ANOS1: variants seen among roughly 807,000 people sequenced by gnomAD.
ANOS1 encodes anosmin-1.
A neutral mutation model predicts 59.0 loss-of-function variants in ANOS1; 6 were observed. The ratio of observed to expected loss-of-function variants is 0.10; its 90% CI spans 0.06 to 0.20. The LOEUF (loss-of-function observed/expected upper bound fraction) is 0.20. Among genes scored for constraint, ANOS1 ranks in the 10% least tolerant of loss-of-function variants. The probability of loss-of-function intolerance (pLI) is 1.00; values close to 1 mark genes in which losing one functional copy is unlikely to be tolerated. For missense variants in ANOS1, 433 were observed against 542.3 expected, an observed-to-expected ratio of 0.80 and a Z score of 2.00; for synonymous variants, 217 against 223.4, an observed-to-expected ratio of 0.97 and a Z score of 0.25.
chrX:8,615,315 C>A (rs909409994), intron 3 of ANOS1, among the ~76,000 whole-genome samples: 1 of 110,719 alleles, frequency 9.0e-6, no homozygotes, highest in African/African-American at 3.3e-5. Context: ...GAGGCTGAGG[C>A]GGGTGGATCA....
chrX:8,673,888 G>A (rs1932294696), intron 2 of ANOS1, among the ~76,000 whole-genome samples: 1 of 111,211 alleles, frequency 9.0e-6, no homozygotes. Context: ...GACAGTGAAG[G>A]AGGCTGTATT....
At chrX:8,567,936 C>T (rs370492260) in intron 8 of ANOS1, among the ~76,000 whole-genome samples, 2 of 112,353 alleles carry the variant, frequency 1.8e-5, no homozygotes, top group Non-Finnish European at 3.8e-5. Context: ...CATATGTGCA[C>T]GTCATGTAAA....
chrX:8,653,841 C>T (rs1253126394), intron 2 of ANOS1, among the ~76,000 whole-genome samples: 2 of 111,942 alleles, frequency 1.8e-5, no homozygotes, highest in Non-Finnish European at 3.8e-5. Flanking sequence ...AGTAGGTATT[C>T]AATAAATATC....
chrX:8,619,920 G>T (rs1264935633), intron 3 of ANOS1, among the ~76,000 whole-genome samples: 1 of 111,967 alleles, frequency 8.9e-6, no homozygotes, highest in Non-Finnish European at 1.9e-5. Flanking sequence ...ATATAATTAT[G>T]ACTGTTCTTT....
At position 8,692,404 on chromosome X, in the gene ANOS1, C is replaced by G. The variant is rs985730126; in HGVS notation, c.255+7294G>C. On this transcript the variant is annotated intron_variant, in intron 2 of 13. Coordinates refer to ENST00000262648, the MANE Select transcript of ANOS1 (RefSeq NM_000216.4). ...GTTTTTTTAGAAGTCATTTGCTAAC[C>G]CTTATCCTAGAACACTGCATTTAAT... Among the ~76,000 whole-genome samples the G allele has an allele frequency of 7.2e-5, 8 of 110,591 alleles. No homozygotes were observed. The Admixed American group carries it at 7.8e-4, about 11-fold the overall frequency.
chrX:8,651,907 T>C (rs1222545768), intron 2 of ANOS1, among the ~76,000 whole-genome samples: 4 of 111,876 alleles, frequency 3.6e-5, no homozygotes. Context: ...GGCACTGGCC[T>C]GATGTGCATT....
At chrX:8,723,088 C>T (rs955690788) in intron 1 of ANOS1, among the ~76,000 whole-genome samples, 1 of 112,089 alleles carries the variant, frequency 8.9e-6, no homozygotes, top group Admixed American at 9.5e-5. Context: ...AAATCTAAGA[C>T]CTGAAACTAT....
chrX:8,611,494 T>C (rs747169730), intron 3 of ANOS1, among the ~76,000 whole-genome samples: 1 of 110,661 alleles, frequency 9.0e-6, no homozygotes, highest in Non-Finnish European at 1.9e-5. Flanking sequence ...GGAATCTCAA[T>C]TACCCCTAAG....
chrX:8,561,614 C>T (rs1250285328), intron 8 of ANOS1, among the ~76,000 whole-genome samples: 2 of 108,724 alleles, frequency 1.8e-5, no homozygotes, highest in Admixed American at 9.9e-5. Context: ...CGCGCCCAGC[C>T]GGCTAATTTT....
At chrX:8,625,286 T>C (rs1456077237) in intron 2 of ANOS1, among the ~76,000 whole-genome samples, 1 of 111,799 alleles carries the variant, frequency 8.9e-6, no homozygotes, top group Non-Finnish European at 1.9e-5. Flanking sequence ...TAAACATTAA[T>C]AGTCATATAG....
chrX:8,591,728 C>T (rs1239024668), intron 4 of ANOS1, among the ~76,000 whole-genome samples: 1 of 112,306 alleles, frequency 8.9e-6, no homozygotes, highest in Non-Finnish European at 1.9e-5. Flanking sequence ...TAATTGTGTG[C>T]AGATGGGGCT....
chrX:8,600,406 G>A (rs1794229822), intron 3 of ANOS1, among the ~76,000 whole-genome samples: 1 of 112,008 alleles, frequency 8.9e-6, no homozygotes, highest in African/African-American at 3.2e-5. Context: ...ATAATTTCAA[G>A]GTTTGAATTA....
At chrX:8,640,292 C>T (rs768037506) in intron 2 of ANOS1, among the ~76,000 whole-genome samples, 10 of 110,948 alleles carry the variant, frequency 9.0e-5, no homozygotes, top group South Asian at 7.8e-4. Flanking sequence ...TTTGTCTTCA[C>T]GCCATGATCT....
chrX:8,580,994 G>C (rs747865348), intron 6 of ANOS1, among the ~76,000 whole-genome samples: 6 of 111,636 alleles, frequency 5.4e-5, no homozygotes, highest in African/African-American at 1.6e-4. Context: ...AGCAAACAGG[G>C]ATAAATGGGC....
intron 3 of ANOS1, among the ~76,000 whole-genome samples, chrX:8,620,436 T>G (rs1445776773): frequency 3.6e-5 from 4 of 111,343 alleles, no homozygotes; most frequent in Non-Finnish European, 7.5e-5. Flanking sequence ...TAATCTAGAG[T>G]CCCTTCTGGG....
intron 2 of ANOS1, among the ~76,000 whole-genome samples, chrX:8,683,420 C>T (rs186876052): frequency 9.0e-6 from 1 of 110,872 alleles, no homozygotes; most frequent in African/African-American, 3.3e-5. Flanking sequence ...AACACTGGTG[C>T]CCAAAGACCA....
At chrX:8,722,574 T>TAC (rs774803381) in intron 1 of ANOS1, among the ~76,000 whole-genome samples, 2,424 of 102,092 alleles carry the variant, frequency 0.024, 24 homozygotes, top group African/African-American at 0.028. Context: ...ATTATGTGTG[T>TAC]ACACACACAC....
At chrX:8,601,005 A>C (rs2146829901) in intron 3 of ANOS1, among the ~76,000 whole-genome samples, 1 of 110,055 alleles carries the variant, frequency 9.1e-6, no homozygotes, top group Non-Finnish European at 1.9e-5. Context: ...CCTGGCTAAC[A>C]CAGTGAAACC....
chrX:8,532,417 G>T lies in ANOS1; in HGVS notation c.*578C>A. 9.0e-6 allele frequency: 1 copy of T among 111,445 alleles called. No homozygotes were observed. Among genetic ancestry groups the T allele is most frequent in the Middle Eastern group, 4.7e-3 (1 of 214 alleles). 9.2% of individuals were successfully genotyped at this position (111,445 alleles called of 1,213,427 possible). A position where few individuals can be genotyped will look rare whatever the true frequency, so the allele number is the denominator to read the frequency against. On this transcript the variant is annotated 3_prime_UTR_variant, in exon 14 of 14. Transcript: ENST00000262648. ...ACCTTTGCATAAAGAGCAGCACAAG[G>T]TACTTAAAGTAGGAGCATTTTTAGA...
Sources: allele counts gnomAD v4.1 joint callset (sites outside exome capture counted in the v4.1 genomes callset), GRCh38; gene constraint gnomAD v4.1.1; transcripts MANE v1.5; gene names NCBI Gene and HGNC (gene_info 2026-07-23, HGNC 2026-07-21).